The following TG variants were observed in gnomAD, a reference collection of about 807,000 sequenced individuals.
TG encodes thyroid hormones.
A neutral mutation model predicts 324.7 loss-of-function variants in TG; 270 were observed. The ratio of observed to expected loss-of-function variants is 0.83; its 90% CI spans 0.75 to 0.92. The LOEUF (loss-of-function observed/expected upper bound fraction) is 0.92. Ranked by LOEUF, TG falls within the 40% of genes least tolerant of loss-of-function variation. TG has a pLI of 0.00. For synonymous variants in TG, 1,401 were observed against 1,327.0 expected (o/e 1.06, Z -1.21); for missense variants, 3,591 against 3,456.4 (o/e 1.04, Z -0.98).
intron 43 of TG, among the ~76,000 whole-genome samples, chr8:133,100,869 G>T (rs78296236): frequency 6.6e-6 from 1 of 152,164 alleles, no homozygotes; most frequent in Non-Finnish European, 1.5e-5. Context: ...AGCCTTAGGG[G>T]TTAGCCTAAG....
At chr8:133,065,946 G>A (rs1038204904) in intron 41 of TG, among the ~76,000 whole-genome samples, 1 of 152,148 alleles carries the variant, frequency 6.6e-6, no homozygotes, top group East Asian at 1.9e-4. Context: ...GGGATGAGGG[G>A]TGCAGAAGTG....
rs765107480 is a variant in TG, at chr8:132,886,989, G to T, written c.1617G>T (p.Lys539Asn). ...CCACAGGAACCCCTGAAGCTGCTAAGAAGGATGGTACTATGAATAAGCCAA... is the reference window on the plus strand; with the variant it reads ...CCACAGGAACCCCTGAAGCTGCTAATAAGGATGGTACTATGAATAAGCCAA... The part of the protein sequence containing the change: ...NSSTGTPEAA[K>N]KDGTMNKPTV... Residue 539 changes from lysine to asparagine, a missense_variant, in exon 9 of 48, where the codon AAG becomes AAT. Physicochemically the swap from Lys to Asn is moderately conservative, Grantham distance 94. Coordinates refer to ENST00000220616, the MANE Select transcript of TG (RefSeq NM_003235.5). 3 of 1,614,220 alleles carry T rather than the reference G, an allele frequency of 1.9e-6. No homozygotes were observed. The Admixed American group carries it at 5.0e-5, about 27-fold the overall frequency.
At position 133,017,864 on chromosome 8, in the gene TG, C is replaced by A. The variant is rs1835185205; in HGVS notation, c.6649C>A (p.Gln2217Lys). 6.2e-7 allele frequency: 1 copy of A among 1,614,212 alleles called. No individual in the cohort carries two copies. Among genetic ancestry groups the A allele is most frequent in the African/African-American group, 1.3e-5 (1 of 75,050 alleles). ...GCTGCTGGGCAGGTCCCAGGCCATC[C>A]AGGTGGGTACCTCATGGAAGCAAGT... ...GRLLGRSQAIQVGTSWKQVDQ... is the reference protein window; with the variant it reads ...GRLLGRSQAIKVGTSWKQVDQ... The change falls in exon 38 of 48, where the codon CAG becomes AAG. Residue 2217 changes from glutamine to lysine, a missense_variant. Transcript: ENST00000220616.
Position 133,037,769 on chromosome 8 carries a change from T to C in TG, c.7239+7746T>C, listed in dbSNP as rs578170155. On this transcript the variant is annotated intron_variant, in intron 41 of 47. Transcript: ENST00000220616. ...CATCCCAGAGAAGCTCTGTCTGCGC[T>C]GCAAAGCCATGGCTGCAGACATCAG... 1.0e-3 allele frequency: 154 copies of C among 152,298 alleles called. 2 individuals carry two copies. The highest frequency in any genetic ancestry group is 3.5e-3 in the African/African-American group (147 of 41,556). The allele number at this position is 152,298 out of a possible 1,614,324, so 9.4% of individuals were successfully genotyped here. A position where few individuals can be genotyped will look rare whatever the true frequency, so the allele number is the denominator to read the frequency against.
chr8:132,916,235 A>T (rs1229094671), intron 20 of TG, among the ~76,000 whole-genome samples: 1 of 152,206 alleles, frequency 6.6e-6, no homozygotes, highest in Non-Finnish European at 1.5e-5. Context: ...TGCATGGGGT[A>T]ATACCTATTG....
chr8:132,928,540 G>C (rs952739802), intron 22 of TG, among the ~76,000 whole-genome samples: 4 of 152,132 alleles, frequency 2.6e-5, no homozygotes, highest in African/African-American at 9.7e-5. Context: ...CTATCAAATG[G>C]AACTCAAGTG....
intron 41 of TG, among the ~76,000 whole-genome samples, chr8:133,065,718 G>A (rs1480529315): frequency 6.6e-6 from 1 of 151,964 alleles, no homozygotes; most frequent in African/African-American, 2.4e-5. Flanking sequence ...GTTGAGATCA[G>A]GCCATTGTAC....
intron 27 of TG, among the ~76,000 whole-genome samples, chr8:132,950,743 A>G (rs547481942): frequency 1.3e-5 from 2 of 152,236 alleles, no homozygotes; most frequent in African/African-American, 4.8e-5. Flanking sequence ...TTGCCTGTCT[A>G]TATAATGACA....
intron 41 of TG, chr8:133,087,811 T>G (rs1846828717): frequency 1.3e-5 from 2 of 152,114 alleles, no homozygotes; most frequent in South Asian, 4.1e-4. Context: ...TGGGACTGGA[T>G]GCCTGTGAAT....
intron 41 of TG, among the ~76,000 whole-genome samples, chr8:133,089,785 G>A (rs1847205176): frequency 6.6e-6 from 1 of 152,020 alleles, no homozygotes; most frequent in Admixed American, 6.6e-5. Context: ...AACTCCCTTG[G>A]GTAATCAGCC....
Position 132,869,756 on chromosome 8 carries a change from C to T in TG, c.204C>T (p.Arg68=). 1 of 1,614,220 alleles carries T rather than the reference C, an allele frequency of 6.2e-7. No individual in the cohort carries two copies. Among genetic ancestry groups the T allele is most frequent in the South Asian group, 1.1e-5 (1 of 91,088 alleles). The change falls in exon 3 of 48, where the codon CGC becomes CGT. Residue 68 remains arginine (R), a synonymous_variant. Transcript: ENST00000220616. ...CTGTCCAGTGCCAGAACGACGGCCG[C>T]TCCTGCTGGTGTGTGGGTGCCAACG... is the stretch of plus-strand genomic sequence containing the variant. ...FQTVQCQNDG[R]SCWCVGANGS...
At chr8:132,878,083 T>C (rs891688019) in intron 5 of TG, among the ~76,000 whole-genome samples, 6 of 152,156 alleles carry the variant, frequency 3.9e-5, no homozygotes, top group Admixed American at 2.6e-4. Flanking sequence ...GGGCTGCATA[T>C]TTGGCTCTGG....
intron 41 of TG, among the ~76,000 whole-genome samples, chr8:133,065,774 A>C (rs1291294281): frequency 1.4e-5 from 2 of 147,728 alleles, no homozygotes; most frequent in African/African-American, 5.3e-5. Context: ...AAAATAATAA[A>C]ATAAAATAAA....
In TG at chr8:132,972,742, G is replaced by C. The variant is rs762816071; in HGVS notation, c.6199+1G>C. On this transcript the variant is annotated splice_donor_variant, in intron 34 of 47. Coordinates refer to ENST00000220616, the MANE Select transcript of TG (RefSeq NM_003235.5). LOFTEE classifies it high-confidence loss of function. Reference sequence around the variant, plus strand: ...CCCTTCGGATGGTACCAGAAGCCCAGTAAGTACCCTTCTCATGACAGCTAT... The same window carrying C: ...CCCTTCGGATGGTACCAGAAGCCCACTAAGTACCCTTCTCATGACAGCTAT... 1 of 1,614,034 alleles carries C rather than the reference G, an allele frequency of 6.2e-7. No homozygotes were observed. The highest frequency in any genetic ancestry group is 1.1e-5 in the South Asian group (1 of 91,070).
At chr8:133,042,969 C>G (rs1838595974) in intron 41 of TG, among the ~76,000 whole-genome samples, 1 of 145,824 alleles carries the variant, frequency 6.9e-6, no homozygotes, top group African/African-American at 2.4e-5. Context: ...GCTGGAATTA[C>G]AGGCATGACC....
rs61742667 is a variant in TG, at chr8:132,888,416, A to C, written c.2609A>C (p.Gln870Pro). Reference sequence around the variant, plus strand: ...CTCCTGGAGCCCTACCTCTTCTGGCAGATCTTAAATGGCCAACTCAGCCAA... The same window carrying C: ...CTCCTGGAGCCCTACCTCTTCTGGCCGATCTTAAATGGCCAACTCAGCCAA... ...NILLEPYLFW[Q>P]ILNGQLSQYP... Residue 870 changes from glutamine (Q) to proline (P), a missense_variant, in exon 10 of 48, where the codon CAG becomes CCG. Transcript: ENST00000220616. The C allele has an allele frequency of 7.2e-5, 116 of 1,613,560 alleles. No homozygotes were observed. The highest frequency in any genetic ancestry group is 1.6e-4 in the Middle Eastern group (1 of 6,082).
chr8:133,022,090 G>T lies in TG; in HGVS notation c.6976G>T (p.Gly2326Cys). The T allele has an allele frequency of 6.2e-7, 1 of 1,614,144 alleles. No homozygotes were observed. The highest frequency in any genetic ancestry group is 8.5e-7 in the Non-Finnish European group (1 of 1,180,030). ...CGACGGCTCCTTCTTGGCTGCTGTT[G>T]GCAACCTCATCGTGGTCACTGCCAG... ...AIDGSFLAAV[G>C]NLIVVTASYR... The change falls in exon 40 of 48, where the codon GGC becomes TGC. Residue 2326 changes from glycine (G) to cysteine (C), a missense_variant. Gly to Cys is a radical substitution (Grantham distance 159). Coordinates refer to ENST00000220616, the MANE Select transcript of TG (RefSeq NM_003235.5).
At chr8:132,996,540 A>G (rs1832904954) in intron 35 of TG, among the ~76,000 whole-genome samples, 1 of 151,592 alleles carries the variant, frequency 6.6e-6, no homozygotes, top group African/African-American at 2.4e-5. Flanking sequence ...TCTATTGCCA[A>G]TTTTTTTTTG....
intron 28 of TG, among the ~76,000 whole-genome samples, chr8:132,962,383 C>T (rs971887823): frequency 6.6e-6 from 1 of 152,136 alleles, no homozygotes; most frequent in African/African-American, 2.4e-5. Context: ...AAACCAGACA[C>T]TGGTAGGAGA....
Sources: gnomAD v4.1 joint callset for allele counts (sites outside exome capture counted in the v4.1 genomes callset) on GRCh38, gnomAD v4.1.1 for gene constraint, MANE v1.5 for transcripts, NCBI Gene and HGNC (gene_info 2026-07-23, HGNC 2026-07-21) for gene names.